Variants in NEO1 observed in about 807,000 individuals in gnomAD.
NEO1 encodes the protein neogenin.
In NEO1, 63 loss-of-function variants were observed where a neutral mutation model predicts 159.7. The ratio of observed to expected loss-of-function variants is 0.39; its 90% CI spans 0.32 to 0.49. NEO1 has a LOEUF of 0.49. NEO1 is among the 20% of genes least tolerant of loss of function. The pLI is 0.85. For missense variants in NEO1, 1,615 were observed against 1,831.0 expected, an observed-to-expected ratio of 0.88 and a Z score of 2.15; for synonymous variants, 633 against 662.0, an observed-to-expected ratio of 0.96 and a Z score of 0.67.
At chr15:73,186,660 A>G (rs1253531279) in intron 7 of NEO1, among the ~76,000 whole-genome samples, 1 of 152,044 alleles carries the variant, frequency 6.6e-6, no homozygotes, top group Non-Finnish European at 1.5e-5. Flanking sequence ...GCAAGGCACC[A>G]TGAATTAAAT....
At chr15:73,252,523 C>T (rs1044371354) in intron 11 of NEO1, among the ~76,000 whole-genome samples, 1 of 152,156 alleles carries the variant, frequency 6.6e-6, no homozygotes, top group Non-Finnish European at 1.5e-5. Flanking sequence ...GCTTAAATAT[C>T]TTTGCTGTAC....
At chr15:73,095,897 C>T (rs979574834) in intron 1 of NEO1, among the ~76,000 whole-genome samples, 1 of 152,002 alleles carries the variant, frequency 6.6e-6, no homozygotes, top group Non-Finnish European at 1.5e-5. Context: ...TGAGGTGCTA[C>T]CAGGGATAAA....
chr15:73,206,836 TG>T (rs2037259579), intron 7 of NEO1, among the ~76,000 whole-genome samples: 2 of 8,906 alleles, frequency 2.2e-4, no homozygotes, highest in Non-Finnish European at 3.1e-3. Context: ...TGTGTGTGTA[TG>T]TGTGTGTGTG....
intron 5 of NEO1, among the ~76,000 whole-genome samples, chr15:73,136,862 C>A (rs546640037): frequency 6.6e-6 from 1 of 152,246 alleles, no homozygotes; most frequent in South Asian, 2.1e-4. Context: ...CCCCTCAAAA[C>A]TCCCAGATTG....
chr15:73,158,436 T>C (rs936263703), intron 5 of NEO1, among the ~76,000 whole-genome samples: 2 of 152,118 alleles, frequency 1.3e-5, no homozygotes, highest in Non-Finnish European at 2.9e-5. Context: ...TCTCACTCTG[T>C]TGCCCAGACT....
chr15:73,302,853 C>A lies in NEO1; in HGVS notation c.*157C>A. 1.6e-6 allele frequency: 1 copy of A among 624,564 alleles called. No homozygotes were observed. The highest frequency in any genetic ancestry group is 2.8e-6 in the Non-Finnish European group (1 of 358,260). 38.7% of individuals were successfully genotyped at this position (624,564 alleles called of 1,614,324 possible). A position where few individuals can be genotyped will look rare whatever the true frequency, so the allele number is the denominator to read the frequency against. On this transcript the variant is annotated 3_prime_UTR_variant, in exon 29 of 29. Coordinates refer to ENST00000261908, the MANE Select transcript of NEO1 (RefSeq NM_002499.4). Reference sequence around the variant, plus strand: ...GCCTCTGTGTAGGGCTGGCTCCAGGCATGGCCACCTGCCTTCCCCTGGTCA... The same window carrying A: ...GCCTCTGTGTAGGGCTGGCTCCAGGAATGGCCACCTGCCTTCCCCTGGTCA...
intron 1 of NEO1, among the ~76,000 whole-genome samples, chr15:73,069,453 A>C (rs1277826952): frequency 2.0e-5 from 3 of 151,976 alleles, no homozygotes; most frequent in South Asian, 2.1e-4. Flanking sequence ...GTTTGATCAA[A>C]GTTTTTGTTT....
chr15:73,284,844 T>C (rs2041881230), intron 23 of NEO1, among the ~76,000 whole-genome samples: 1 of 152,134 alleles, frequency 6.6e-6, no homozygotes, highest in Non-Finnish European at 1.5e-5. Context: ...CGCCTCGGCT[T>C]CCCAAAGTGC....
rs189143180 is a variant in NEO1 at position 73,089,817 on chromosome 15, A to G, written c.131-26723A>G. Among the ~76,000 whole-genome samples the G allele has an allele frequency of 2.4e-3, 369 of 152,316 alleles. 1 individual carries two copies. The highest frequency in any genetic ancestry group is 8.4e-3 in the African/African-American group (351 of 41,582). On this transcript the variant is annotated intron_variant, in intron 1 of 28. Coordinates refer to ENST00000261908, the MANE Select transcript of NEO1 (RefSeq NM_002499.4). Reference sequence around the variant, plus strand: ...AAATCTATCCTACAGATACCTCTCAAGTGTGCAAAAAGTTATGGGCACAGA... The same window carrying G: ...AAATCTATCCTACAGATACCTCTCAGGTGTGCAAAAAGTTATGGGCACAGA...
At chr15:73,226,425 C>T (rs1461512053) in intron 7 of NEO1, among the ~76,000 whole-genome samples, 2 of 152,142 alleles carry the variant, frequency 1.3e-5, no homozygotes, top group Non-Finnish European at 2.9e-5. Flanking sequence ...GATGGATCCC[C>T]AGACTGGATT....
In NEO1 at chr15:73,227,570, C is replaced by T. The variant is rs967979215; in HGVS notation, c.1292-8777C>T. ...CTTCCACGGAACAATTCAATTTCTG[C>T]TACTTACAACCCTGTGCAGGCCCTT... On this transcript the variant is annotated intron_variant, in intron 7 of 28. Transcript: ENST00000261908. 1.3e-5 allele frequency among the ~76,000 whole-genome samples: 2 copies of T among 152,280 alleles called. 1 individual carries two copies. Among genetic ancestry groups the T allele is most frequent in the Non-Finnish European group, 2.9e-5 (2 of 68,034 alleles).
At chr15:73,198,455 C>G (rs1047952879) in intron 7 of NEO1, among the ~76,000 whole-genome samples, 4 of 151,780 alleles carry the variant, frequency 2.6e-5, no homozygotes, top group African/African-American at 9.7e-5. Context: ...ATCTTTTAGC[C>G]TAATGTTAGG....
chr15:73,270,471 G>A lies in NEO1; in HGVS notation c.2857+17G>A. On this transcript the variant is annotated intron_variant, in intron 18 of 28. Coordinates refer to ENST00000261908, the MANE Select transcript of NEO1 (RefSeq NM_002499.4). ...TTGAATTAGGTATGTGTTGTCAGAA[G>A]CCATGTCACATGGCTGCTTTTACTT... is the stretch of plus-strand genomic sequence containing the variant. 6.3e-7 allele frequency: 1 copy of A among 1,594,582 alleles called. No homozygotes were observed. The highest frequency in any genetic ancestry group is 2.2e-5 in the East Asian group (1 of 44,618).
chr15:73,230,460 G>A (rs992737343), intron 7 of NEO1, among the ~76,000 whole-genome samples: 1 of 152,106 alleles, frequency 6.6e-6, no homozygotes, highest in Non-Finnish European at 1.5e-5. Context: ...TCTTCTACCT[G>A]AGATAGAAGC....
intron 7 of NEO1, among the ~76,000 whole-genome samples, chr15:73,186,045 C>T (rs994395050): frequency 3.3e-5 from 5 of 151,922 alleles, no homozygotes; most frequent in African/African-American, 1.2e-4. Flanking sequence ...TGCCTGTACA[C>T]ATCATAGTCA....
intron 5 of NEO1, among the ~76,000 whole-genome samples, chr15:73,138,822 T>C (rs1206286403): frequency 6.6e-6 from 1 of 152,154 alleles, no homozygotes; most frequent in Non-Finnish European, 1.5e-5. Flanking sequence ...CCCAGATTCT[T>C]TGACTATCCT....
Position 73,260,431 on chromosome 15 carries a change from C to T in NEO1, c.2364C>T (p.Asp788=). The T allele has an allele frequency of 1.9e-6, 3 of 1,613,666 alleles. No individual in the cohort carries two copies. Among genetic ancestry groups the T allele is most frequent in the Non-Finnish European group, 2.5e-6 (3 of 1,179,732 alleles). ...CTCATGCCCAGACCATCAAAGTGGA[C>T]TATAAACAGCGCTATTACACCATTG... ...GSPHAQTIKV[D]YKQRYYTIEN... is the part of the protein sequence containing the mutation. The change falls in exon 15 of 29, where the codon GAC becomes GAT. Residue 788 remains aspartate (D), a synonymous_variant. Transcript: ENST00000261908.
At chr15:73,074,211 A>G (rs185064389) in intron 1 of NEO1, among the ~76,000 whole-genome samples, 252 of 152,366 alleles carry the variant, frequency 1.7e-3, no homozygotes, top group African/African-American at 5.7e-3. Flanking sequence ...TGTAAATGCA[A>G]TCAGAGTTGT....
chr15:73,075,995 A>T (rs553254365), intron 1 of NEO1, among the ~76,000 whole-genome samples: 1 of 152,256 alleles, frequency 6.6e-6, no homozygotes, highest in South Asian at 2.1e-4. Flanking sequence ...CACAAAGTTC[A>T]CCAGGTTTTG....
Sources: allele counts gnomAD v4.1 joint callset (sites outside exome capture counted in the v4.1 genomes callset), GRCh38; gene constraint gnomAD v4.1.1; transcripts MANE v1.5; gene names NCBI Gene and HGNC (gene_info 2026-07-23, HGNC 2026-07-21).